Variants in ZC3H3 observed in about 807,000 individuals in gnomAD.
ZC3H3 encodes the protein zinc finger CCCH-type containing 3.
Under a neutral mutation model 77.3 loss-of-function variants are expected in ZC3H3, and 36 were observed. The observed-to-expected ratio is 0.47, with a 90% CI of 0.36 to 0.61. The LOEUF (loss-of-function observed/expected upper bound fraction) is 0.61. Among genes scored for constraint, ZC3H3 ranks in the 20% least tolerant of loss-of-function variants. ZC3H3 has a pLI of 0.00. For missense variants in ZC3H3, 1,331 were observed against 1,312.2 expected (o/e 1.01, Z -0.22); for synonymous variants, 626 against 555.2 (o/e 1.13, Z -1.79).
intron 5 of ZC3H3, among the ~76,000 whole-genome samples, 198 bp downstream of exon 5, chr8:143,475,200 C>T (rs374122493): frequency 4.6e-5 from 7 of 152,350 alleles, no homozygotes; most frequent in African/African-American, 1.7e-4. Flanking sequence ...CAGGATGGGA[C>T]GTGACCCATT....
chr8:143,479,931 T>G (rs1051666539), intron 4 of ZC3H3, among the ~76,000 whole-genome samples: 11 of 152,190 alleles, frequency 7.2e-5, no homozygotes, highest in African/African-American at 2.2e-4. Flanking sequence ...TAGGAGTAGC[T>G]GGAAACTTGC....
Position 143,523,449 on chromosome 8 carries a change from G to A in ZC3H3, c.1561+12808C>T, listed in dbSNP as rs1194221779. ...GGAAGGTGATCTCAGGGAGGGTGGT[G>A]TTTGCAGCCATCTTGGAAGACACTC... On this transcript the variant is annotated intron_variant, in intron 3 of 11. Transcript: ENST00000262577. 8.1e-6 allele frequency: 8 copies of A among 985,420 alleles called. No homozygotes were observed. The Admixed American group carries it at 1.8e-4, about 23-fold the overall frequency. The allele number at this position is 985,420 out of a possible 1,614,324, so 61.0% of individuals were successfully genotyped here. A position where few individuals can be genotyped will look rare whatever the true frequency, so the allele number is the denominator to read the frequency against.
At chr8:143,534,624 C>G in intron 3 of ZC3H3, among the ~76,000 whole-genome samples, 2 of 152,112 alleles carry the variant, frequency 1.3e-5, no homozygotes, top group Non-Finnish European at 2.9e-5. Flanking sequence ...TGCTGGCCTC[C>G]CAGAGCTGGA....
intron 3 of ZC3H3, among the ~76,000 whole-genome samples, chr8:143,519,953 C>G (rs1320406785): frequency 6.6e-6 from 1 of 152,194 alleles, no homozygotes; most frequent in African/African-American, 2.4e-5. Context: ...CCAACAGACG[C>G]AAACCACCCC....
At chr8:143,521,531 T>C (rs1378743626) in intron 3 of ZC3H3, among the ~76,000 whole-genome samples, 2 of 152,154 alleles carry the variant, frequency 1.3e-5, no homozygotes, top group Non-Finnish European at 2.9e-5. Context: ...CTGCTACTTG[T>C]GTTTTCAAAG....
At chr8:143,441,413 G>A (rs554058836) in intron 9 of ZC3H3, among the ~76,000 whole-genome samples, 12 of 152,194 alleles carry the variant, frequency 7.9e-5, no homozygotes, top group Non-Finnish European at 1.6e-4. Context: ...CTGCAGCCAG[G>A]CCATGGCTCA....
chr8:143,536,431 C>G lies in ZC3H3; in HGVS notation c.1387G>C (p.Gly463Arg). 6.5e-7 allele frequency: 1 copy of G among 1,530,952 alleles called. No individual in the cohort carries two copies. Among genetic ancestry groups the G allele is most frequent in the Non-Finnish European group, 8.8e-7 (1 of 1,134,772 alleles). 94.8% of individuals were successfully genotyped at this position (1,530,952 alleles called of 1,614,324 possible). A position where few individuals can be genotyped will look rare whatever the true frequency, so the allele number is the denominator to read the frequency against. Residue 463 changes from glycine (G) to arginine (R), a missense_variant, in exon 3 of 12, where the codon GGC becomes CGC. By Grantham distance (125) the Gly-to-Arg change is moderately radical. Around this residue, in one of 3 missense-constraint regions of ZC3H3, gnomAD observed 978 missense variants for 915.5 expected, o/e 1.07. Transcript: ENST00000262577. ...STSLPGDKKS[G>R]TSPAATAKSH... ...TTGGCGGTGGCGGCAGGTGAGGTGC[C>G]GCTTTTCTTGTCTCCAGGAAGGCTG...
intron 4 of ZC3H3, chr8:143,485,050 G>A: frequency 7.1e-6 from 2 of 279,780 alleles, no homozygotes; most frequent in Non-Finnish European, 1.4e-5. Context: ...AGCCCTGCAA[G>A]ACAGTGGCAA....
chr8:143,459,124 C>A (rs1048192145), intron 9 of ZC3H3, among the ~76,000 whole-genome samples: 1 of 152,216 alleles, frequency 6.6e-6, no homozygotes, highest in African/African-American at 2.4e-5. Flanking sequence ...TCCTAATTCA[C>A]TCTGTGAGGC....
chr8:143,525,272 C>G (rs927495748), intron 3 of ZC3H3, among the ~76,000 whole-genome samples: 6 of 152,244 alleles, frequency 3.9e-5, no homozygotes, highest in African/African-American at 9.6e-5. Context: ...AAGCTCCTGA[C>G]AGCAGGGTCA....
At chr8:143,449,767 G>A (rs1376449361) in intron 9 of ZC3H3, among the ~76,000 whole-genome samples, 2 of 151,826 alleles carry the variant, frequency 1.3e-5, no homozygotes, top group East Asian at 3.9e-4. Flanking sequence ...CAAAACCCAG[G>A]AAATTTCCAC....
At chr8:143,514,288 G>A (rs972270296) in intron 3 of ZC3H3, among the ~76,000 whole-genome samples, 5 of 152,114 alleles carry the variant, frequency 3.3e-5, no homozygotes, top group African/African-American at 7.2e-5. Flanking sequence ...AGGAGCCTCA[G>A]GCCGTGTGTC....
At chr8:143,476,758 C>T (rs1042586344) in intron 4 of ZC3H3, among the ~76,000 whole-genome samples, 2 of 152,252 alleles carry the variant, frequency 1.3e-5, no homozygotes, top group Non-Finnish European at 2.9e-5. Context: ...CAGCTCAGGC[C>T]TGGCACAGGG....
rs537596097 is a variant in ZC3H3, at chr8:143,480,411, C to T, written c.1716-4826G>A. Among the ~76,000 whole-genome samples, 5 of 152,318 alleles carry T rather than the reference C, an allele frequency of 3.3e-5. No homozygotes were observed. The East Asian group carries it at 5.8e-4, about 18-fold the overall frequency. ...CTCTACCCACTCCGAGGGCACTGCC[C>T]GTGGCAGGTCAGAGCAGCCCCCGCG... On this transcript the variant is annotated intron_variant, in intron 4 of 11. Transcript: ENST00000262577.
chr8:143,471,082 C>T (rs1336142248), intron 5 of ZC3H3, among the ~76,000 whole-genome samples: 1 of 152,208 alleles, frequency 6.6e-6, no homozygotes, highest in Non-Finnish European at 1.5e-5. Context: ...AGGCCCTGCT[C>T]CGGCCAGCAC....
In ZC3H3 at chr8:143,541,241, C is replaced by A. The variant is rs955689146; in HGVS notation, c.46+135G>T. 10 of 1,493,610 alleles carry A rather than the reference C, an allele frequency of 6.7e-6. No homozygotes were observed. In the African/African-American group the frequency reaches 1.4e-4, roughly 21 times the overall value. The allele number at this position is 1,493,610 out of a possible 1,614,324, so 92.5% of individuals were successfully genotyped here. A position where few individuals can be genotyped will look rare whatever the true frequency, so the allele number is the denominator to read the frequency against. On this transcript the variant is annotated intron_variant, in intron 1 of 11. Transcript: ENST00000262577. ...GAGCCGGCCCACAAGTCCTGGCGGA[C>A]CCTACCGTCCCCCACCCCAGCCGCC...
chr8:143,537,258 G>A (rs1043069538), intron 2 of ZC3H3, among the ~76,000 whole-genome samples: 2 of 152,216 alleles, frequency 1.3e-5, no homozygotes, highest in African/African-American at 4.8e-5. Flanking sequence ...GAGTGACTCT[G>A]CCTGGCTGCC....
chr8:143,539,001 G>C lies in ZC3H3; in HGVS notation c.366C>G (p.Asn122Lys). The C allele has an allele frequency of 1.2e-6, 2 of 1,613,074 alleles. No individual in the cohort carries two copies. The highest frequency in any genetic ancestry group is 1.7e-6 in the Non-Finnish European group (2 of 1,180,024). Residue 122 changes from asparagine to lysine, a missense_variant, in exon 2 of 12, where the codon AAC becomes AAG. Physicochemically the swap from Asn to Lys is moderately conservative, Grantham distance 94. Coordinates refer to ENST00000262577, the MANE Select transcript of ZC3H3 (RefSeq NM_015117.3). ...ERQVQLSQGQNVVIKVKPPSK... is the reference protein window; with the variant it reads ...ERQVQLSQGQKVVIKVKPPSK... ...ATGGCGGTTTAACTTTGATGACCACGTTCTGACCCTGACTGAGCTGGACCT... is the reference window on the plus strand; with the variant it reads ...ATGGCGGTTTAACTTTGATGACCACCTTCTGACCCTGACTGAGCTGGACCT...
intron 4 of ZC3H3, among the ~76,000 whole-genome samples, chr8:143,477,415 C>A (rs1387126037): frequency 1.3e-5 from 2 of 152,202 alleles, no homozygotes; most frequent in African/African-American, 4.8e-5. Context: ...GCTCCCCAAC[C>A]CCCAGCCGGG....
Sources: allele counts gnomAD v4.1 joint callset (sites outside exome capture counted in the v4.1 genomes callset), GRCh38; gene constraint gnomAD v4.1.1; regional missense constraint gnomAD v4.1.1; transcripts MANE v1.5; gene names NCBI Gene and HGNC (gene_info 2026-07-23, HGNC 2026-07-21).